Variants in XIRP2 observed in about 807,000 individuals in gnomAD.
The protein encoded by XIRP2 is xin actin binding repeat containing 2.
Under a neutral mutation model 277.0 loss-of-function variants are expected in XIRP2, and 236 were observed. The observed-to-expected ratio is 0.85, with a 90% CI of 0.77 to 0.95. XIRP2 has a LOEUF of 0.95. Among genes scored for constraint, XIRP2 ranks in the 40% least tolerant of loss-of-function variants. The probability of loss-of-function intolerance (pLI) is 0.00; values close to 1 mark genes in which losing one functional copy is unlikely to be tolerated. For missense variants in XIRP2, 4,640 were observed against 4,157.5 expected (o/e 1.12, Z -3.19); for synonymous variants, 1,490 against 1,416.5 (o/e 1.05, Z -1.17).
chr2:167,147,286 G>C (rs138861432), intron 3 of XIRP2, among the ~76,000 whole-genome samples: 1 of 152,266 alleles, frequency 6.6e-6, no homozygotes, highest in African/African-American at 2.4e-5. Context: ...TAGCAGGCTT[G>C]GGATGTGCAA....
chr2:167,125,118 A>G (rs1003531655), intron 2 of XIRP2, among the ~76,000 whole-genome samples: 2 of 152,154 alleles, frequency 1.3e-5, no homozygotes, highest in Non-Finnish European at 2.9e-5. Flanking sequence ...TGTGCAGTAG[A>G]ATGTGATGAT....
intron 5 of XIRP2, among the ~76,000 whole-genome samples, chr2:167,229,814 C>T (rs1056325313): frequency 2.0e-5 from 3 of 152,010 alleles, no homozygotes; most frequent in East Asian, 1.9e-4. Flanking sequence ...CTGTTGTAGA[C>T]GTATGTTAGG....
chr2:167,176,370 C>T (rs1214067734), intron 3 of XIRP2, among the ~76,000 whole-genome samples: 1 of 152,268 alleles, frequency 6.6e-6, no homozygotes, highest in East Asian at 1.9e-4. Flanking sequence ...AGATGAGTAA[C>T]CCAGTTGGAA....
rs573917042 is a variant in XIRP2 at position 167,104,703 on chromosome 2, A to C, written c.409-31206A>C. ...TGTTGCTTATTTTATTTCTTCCCACATGAAATAGTTGTGTTTGATCTTTTC... is the reference window on the plus strand; with the variant it reads ...TGTTGCTTATTTTATTTCTTCCCACCTGAAATAGTTGTGTTTGATCTTTTC... On this transcript the variant is annotated intron_variant, in intron 2 of 10. Transcript: ENST00000409195. 3.3e-5 allele frequency among the ~76,000 whole-genome samples: 5 copies of C among 152,176 alleles called. No homozygotes were observed. In the East Asian group the frequency reaches 9.6e-4, roughly 29 times the overall value.
intron 2 of XIRP2, among the ~76,000 whole-genome samples, chr2:166,939,456 G>A (rs1426868405): frequency 1.1e-4 from 17 of 151,848 alleles, no homozygotes; most frequent in East Asian, 5.8e-4. Context: ...TGAGGCGGGC[G>A]GATCACAAGG....
intron 2 of XIRP2, among the ~76,000 whole-genome samples, chr2:167,121,661 C>T (rs1691060760): frequency 6.6e-6 from 1 of 151,992 alleles, no homozygotes; most frequent in African/African-American, 2.4e-5. Flanking sequence ...TACTTTAGGG[C>T]CCTATTTAAG....
Position 167,251,494 on chromosome 2 carries a change from A to T in XIRP2, c.10102A>T (p.Ser3368Cys). The T allele has an allele frequency of 6.2e-7, 1 of 1,613,532 alleles. No homozygotes were observed. The highest frequency in any genetic ancestry group is 8.5e-7 in the Non-Finnish European group (1 of 1,179,646). ...GETNHNIQQE[S>C]RTFCKEEFGL... is the part of the protein sequence containing the mutation. ...AACAAACCATAACATACAACAAGAAAGTCGTACATTTTGTAAGGAGGAATT... is the reference window on the plus strand; with the variant it reads ...AACAAACCATAACATACAACAAGAATGTCGTACATTTTGTAAGGAGGAATT... Residue 3368 changes from serine (S) to cysteine (C), a missense_variant, in exon 9 of 11, where the codon AGT (serine) becomes TGT (cysteine). Physicochemically the swap from Ser to Cys is moderately radical, Grantham distance 112. Transcript: ENST00000409195.
chr2:167,130,940 T>C (rs1269050258), intron 2 of XIRP2, among the ~76,000 whole-genome samples: 1 of 152,124 alleles, frequency 6.6e-6, no homozygotes, highest in Non-Finnish European at 1.5e-5. Context: ...GCAGAGTTAA[T>C]ATTACCAACT....
intron 5 of XIRP2, among the ~76,000 whole-genome samples, chr2:167,236,240 TA>T (rs962657498): frequency 2.4e-4 from 36 of 148,176 alleles, no homozygotes; most frequent in African/African-American, 5.9e-4. Flanking sequence ...TGAGTCGCCA[TA>T]AAAAAAAAAG....
intron 2 of XIRP2, among the ~76,000 whole-genome samples, chr2:167,101,052 G>C (rs1030087519): frequency 1.3e-5 from 2 of 152,060 alleles, no homozygotes; most frequent in Non-Finnish European, 2.9e-5. Context: ...TGAACGTTGA[G>C]AGTTTGTAAT....
chr2:167,254,610 G>A (rs1695609007), intron 10 of XIRP2, among the ~76,000 whole-genome samples: 2 of 151,826 alleles, frequency 1.3e-5, no homozygotes, highest in Non-Finnish European at 2.9e-5. Flanking sequence ...TAAACAAATG[G>A]GTGTGGTTGT....
At chr2:167,227,513 C>A (rs1307394017) in intron 5 of XIRP2, among the ~76,000 whole-genome samples, 1 of 151,962 alleles carries the variant, frequency 6.6e-6, no homozygotes, top group Non-Finnish European at 1.5e-5. Flanking sequence ...CCAGCCTGGG[C>A]AACATAGCAA....
chr2:167,210,646 T>C (rs996454295), intron 3 of XIRP2, 89 bp from the exon 4 acceptor site: 2 of 1,485,138 alleles, frequency 1.3e-6, no homozygotes, highest in Non-Finnish European at 1.8e-6. Flanking sequence ...CGAGATCAAG[T>C]ATTTTAAATG....
Position 167,224,540 on chromosome 2 carries a change from C to G in XIRP2, c.858+6240C>G, listed in dbSNP as rs189131535. 4.5e-4 allele frequency among the ~76,000 whole-genome samples: 69 copies of G among 152,164 alleles called. No individual in the cohort carries two copies. In the East Asian group the frequency reaches 0.012, roughly 27 times the overall value. On this transcript the variant is annotated intron_variant, in intron 5 of 10. Coordinates refer to ENST00000409195, the MANE Select transcript of XIRP2 (RefSeq NM_152381.6). Reference sequence around the variant, plus strand: ...GAATTACAGTCATGAGCCACTGTGCCCAGGCTGGCAATTGCATTTCAACAT... The same window carrying G: ...GAATTACAGTCATGAGCCACTGTGCGCAGGCTGGCAATTGCATTTCAACAT...
At chr2:167,040,274 G>A (rs1344062386) in intron 2 of XIRP2, among the ~76,000 whole-genome samples, 1 of 151,672 alleles carries the variant, frequency 6.6e-6, no homozygotes, top group African/African-American at 2.4e-5. Context: ...CAGAAAGAAG[G>A]CATTGAGTGT....
chr2:167,094,680 C>G (rs1690245820), intron 2 of XIRP2, among the ~76,000 whole-genome samples: 1 of 152,128 alleles, frequency 6.6e-6, no homozygotes, highest in Non-Finnish European at 1.5e-5. Flanking sequence ...GTCTACATAT[C>G]TGTTTTGGTA....
rs1687221479 is a variant in XIRP2, at chr2:166,996,429, G to C, written c.408+92539G>C. ...GCAGATCACTTGAGACCAGGAGTTT[G>C]AGACCAGCCTGGCCAACATGGTGAA... On this transcript the variant is annotated intron_variant, in intron 2 of 10. Coordinates refer to ENST00000409195, the MANE Select transcript of XIRP2 (RefSeq NM_152381.6). Among the ~76,000 whole-genome samples the C allele has an allele frequency of 1.3e-5, 2 of 152,140 alleles. 1 individual carries two copies. Among genetic ancestry groups the C allele is most frequent in the South Asian group, 4.1e-4 (2 of 4,822 alleles).
intron 3 of XIRP2, among the ~76,000 whole-genome samples, chr2:167,174,442 T>C (rs1272515069): frequency 2.0e-5 from 3 of 152,222 alleles, no homozygotes; most frequent in Non-Finnish European, 1.5e-5. Context: ...CTTGTATTGC[T>C]GTGGGATCAG....
intron 2 of XIRP2, among the ~76,000 whole-genome samples, chr2:167,042,363 T>C (rs79833379): frequency 0.031 from 4,666 of 152,144 alleles, 166 homozygotes; most frequent in African/African-American, 0.082. Flanking sequence ...CATAAATGGA[T>C]TAAATGCCCA....
Sources: gnomAD v4.1 joint callset for allele counts (sites outside exome capture counted in the v4.1 genomes callset) on GRCh38, gnomAD v4.1.1 for gene constraint, MANE v1.5 for transcripts, NCBI Gene and HGNC (gene_info 2026-07-23, HGNC 2026-07-21) for gene names.